NUBP2: variants seen among roughly 807,000 people sequenced by gnomAD.
NUBP2 encodes cytosolic Fe-S cluster assembly factor NUBP2.
A neutral mutation model predicts 24.9 loss-of-function variants in NUBP2; 23 were observed. The ratio of observed to expected loss-of-function variants is 0.92; its 90% CI spans 0.66 to 1.31. The LOEUF (loss-of-function observed/expected upper bound fraction) is 1.31, where lower values mean the gene tolerates loss of function less well. NUBP2 is among the 50% of genes most tolerant of loss of function. The pLI, the probability that NUBP2 is intolerant of heterozygous loss-of-function variation, is 0.00. For missense variants in NUBP2, 403 were observed against 386.5 expected (o/e 1.04, Z -0.36); for synonymous variants, 186 against 170.9 (o/e 1.09, Z -0.69).
chr16:1,785,889 G>A, intron 1 of NUBP2: 2 of 1,287,930 alleles, frequency 1.6e-6, no homozygotes, highest in Non-Finnish European at 2.0e-6. Flanking sequence ...CATGGCCTCA[G>A]CGGTGGCGCC....
At chr16:1,783,253 G>C (rs1896805952) in intron 1 of NUBP2, 1 of 1,161,634 alleles carries the variant, frequency 8.6e-7, no homozygotes, top group Admixed American at 4.7e-5. Flanking sequence ...TGATCTCGGA[G>C]GGCCTGAGTC....
At chr16:1,783,564 G>T (rs1596865194) in intron 1 of NUBP2, 1 of 932,526 alleles carries the variant, frequency 1.1e-6, no homozygotes, top group Non-Finnish European at 1.3e-6. Context: ...CCAGATCAGC[G>T]CCGTGGGCCC....
intron 1 of NUBP2, chr16:1,783,393 G>T (rs1596864829): frequency 1.9e-6 from 2 of 1,058,622 alleles, no homozygotes; most frequent in East Asian, 1.4e-4. Context: ...GCAAGAGCGA[G>T]ACCCTGTCTC....
intron 1 of NUBP2, among the ~76,000 whole-genome samples, chr16:1,784,264 A>T (rs1178653506): frequency 1.3e-5 from 2 of 151,722 alleles, no homozygotes; most frequent in Admixed American, 1.3e-4. Flanking sequence ...TACATTTTTA[A>T]TGTGTAGACA....
At chr16:1,787,492 C>T (rs1208440828) in intron 3 of NUBP2, 185 bp from the exon 4 acceptor site, 2 of 769,192 alleles carry the variant, frequency 2.6e-6, no homozygotes, top group East Asian at 2.6e-5. Context: ...CTGTAATGGC[C>T]CCGGCCCCAT....
chr16:1,786,953 A>C lies in NUBP2; in HGVS notation c.332A>C (p.Asn111Thr). 1 of 1,513,754 alleles carries C rather than the reference A, an allele frequency of 6.6e-7. No homozygotes were observed. Among genetic ancestry groups the C allele is most frequent in the Non-Finnish European group, 8.9e-7 (1 of 1,129,074 alleles). The allele number at this position is 1,513,754 out of a possible 1,614,324, so 93.8% of individuals were successfully genotyped here. Residue 111 changes from asparagine to threonine, a missense_variant and splice_region_variant, in exon 3 of 7, where the codon AAC becomes ACC. By Grantham distance (65) the Asn-to-Thr change is moderately conservative. Transcript: ENST00000262302. ...EAVVWRGPKK[N>T]ALIKQFVSDV... Reference sequence around the variant, plus strand: ...GTGGTGTGGAGAGGCCCCAAGAAAAACGGTAACGGCCGGGCGGCGCGTCCG... The same window carrying C: ...GTGGTGTGGAGAGGCCCCAAGAAAACCGGTAACGGCCGGGCGGCGCGTCCG...
rs1788524941 is a variant in NUBP2 at position 1,784,173 on chromosome 16, C to CTTGA, written c.16+1138_16+1141dup. 7.9e-6 allele frequency: 3 copies of CTTGA among 379,374 alleles called. No homozygotes were observed. The South Asian group carries it at 3.2e-4, about 41-fold the overall frequency. 23.5% of individuals were successfully genotyped at this position (379,374 alleles called of 1,614,324 possible). A position where few individuals can be genotyped will look rare whatever the true frequency, so the allele number is the denominator to read the frequency against. ...TGGCACGATCATAACTCACTGCAGC[C>CTTGA]TTGACCTCCTGGGCTCAAGCGACCC... On this transcript the variant is annotated intron_variant, in intron 1 of 6. Transcript: ENST00000262302.
intron 4 of NUBP2, 22 bp downstream of exon 4, chr16:1,787,853 G>T: frequency 6.2e-7 from 1 of 1,604,404 alleles, no homozygotes; most frequent in South Asian, 1.1e-5. Flanking sequence ...GCACCTTCCC[G>T]AGTCCCTGTG....
chr16:1,786,346 G>C, intron 1 of NUBP2, 191 bp from the exon 2 acceptor site: 1 of 617,856 alleles, frequency 1.6e-6, no homozygotes, highest in South Asian at 2.0e-5. Context: ...GGTCCCCCCG[G>C]GTCTGGGGCT....
In NUBP2 at chr16:1,788,882, G is replaced by A; in HGVS notation, c.*168G>A. 1 of 890,202 alleles carries A rather than the reference G, an allele frequency of 1.1e-6. No individual in the cohort carries two copies. Among genetic ancestry groups the A allele is most frequent in the Non-Finnish European group, 1.6e-6 (1 of 611,346 alleles). The allele number at this position is 890,202 out of a possible 1,614,324, so 55.1% of individuals were successfully genotyped here. A position where few individuals can be genotyped will look rare whatever the true frequency, so the allele number is the denominator to read the frequency against. On this transcript the variant is annotated 3_prime_UTR_variant, in exon 7 of 7. Transcript: ENST00000262302. ...CCCAGCCCCAGGATGTGTCGCACCAGCAGCTCTGCCTGGTTGGCCTGCAGT... is the reference window on the plus strand; with the variant it reads ...CCCAGCCCCAGGATGTGTCGCACCAACAGCTCTGCCTGGTTGGCCTGCAGT...
chr16:1,785,665 C>T (rs772931248), intron 1 of NUBP2: 29 of 1,288,710 alleles, frequency 2.3e-5, no homozygotes, highest in South Asian at 2.1e-4. Flanking sequence ...CTGCCTTTTC[C>T]GCGTCCCCTG....
At position 1,786,874 on chromosome 16, in the gene NUBP2, C is replaced by T. The variant is rs1896999464; in HGVS notation, c.253C>T (p.Gln85Ter). The change falls in exon 3 of 7, where the codon CAG (glutamine) becomes TAG (stop). Residue 85 changes from glutamine (Q) to a stop codon, truncating the protein, a stop_gained. Transcript: ENST00000262302. LOFTEE classifies it high-confidence loss of function. ...GGCACCCGTCTTCCTGGACCGGGAG[C>T]AGAGCATCTCGCTCATGTCTGTGGG... The part of the protein sequence containing the change: ...GWAPVFLDRE[Q>*]SISLMSVGFL... 6.3e-7 allele frequency: 1 copy of T among 1,584,076 alleles called. No homozygotes were observed. Among genetic ancestry groups the T allele is most frequent in the Non-Finnish European group, 8.6e-7 (1 of 1,160,052 alleles).
At chr16:1,785,185 C>T (rs1896905432) in intron 1 of NUBP2, 2 of 999,900 alleles carry the variant, frequency 2.0e-6, no homozygotes, top group Non-Finnish European at 2.4e-6. Context: ...GGAGATGGTG[C>T]TTCGCCTCCT....
At chr16:1,784,143 T>A (rs970329712) in intron 1 of NUBP2, 2 of 607,446 alleles carry the variant, frequency 3.3e-6, no homozygotes, top group African/African-American at 2.0e-5. Context: ...AAGGCTGAAG[T>A]GCAGTGGCAC....
At chr16:1,784,854 A>G (rs1896888377) in intron 1 of NUBP2, 1 of 152,090 alleles carries the variant, frequency 6.6e-6, no homozygotes, top group African/African-American at 2.4e-5. Flanking sequence ...CATGGCCAAC[A>G]TAGAGAAACA....
chr16:1,785,230 G>T (rs2745170), intron 1 of NUBP2: 586,268 of 1,011,240 alleles, frequency 0.58, 171,666 homozygotes, highest in Admixed American at 0.62. Context: ...CCACCCGGCA[G>T]GCTCATGCTG....
intron 1 of NUBP2, chr16:1,783,533 C>T (rs540380261): frequency 2.0e-6 from 2 of 981,896 alleles, no homozygotes; most frequent in Admixed American, 6.1e-5. Flanking sequence ...AGAATTCACA[C>T]CAGTGGGGAC....
intron 1 of NUBP2, chr16:1,784,078 A>G: frequency 1.0e-6 from 1 of 960,644 alleles, no homozygotes; most frequent in Non-Finnish European, 1.2e-6. Context: ...TAAGGATATT[A>G]CTGAGATTGA....
intron 1 of NUBP2, chr16:1,786,226 A>T: frequency 2.5e-6 from 1 of 402,224 alleles, no homozygotes; most frequent in Non-Finnish European, 4.6e-6. Flanking sequence ...GTGTTTGCAC[A>T]CGCGCACGAA....
Sources: allele counts gnomAD v4.1 joint callset (sites outside exome capture counted in the v4.1 genomes callset), GRCh38; gene constraint gnomAD v4.1.1; transcripts MANE v1.5; gene names NCBI Gene and HGNC (gene_info 2026-07-23, HGNC 2026-07-21).